GOLGA3: variants seen among roughly 807,000 people sequenced by gnomAD.
GOLGA3 encodes the protein golgin subfamily A member 3.
Under a neutral mutation model 169.4 loss-of-function variants are expected in GOLGA3, and 75 were observed. That is an observed-to-expected ratio of 0.44 (90% confidence interval 0.37 to 0.54). GOLGA3 has a LOEUF of 0.54. GOLGA3 is among the 20% of genes least tolerant of loss of function. GOLGA3 has a pLI of 0.00. For missense variants in GOLGA3, 1,899 were observed against 1,930.0 expected (o/e 0.98, Z 0.30); for synonymous variants, 824 against 822.4 (o/e 1.00, Z -0.03).
rs1337580805 is a variant in GOLGA3, at chr12:132,777,788, C to T, written c.3600G>A (p.Val1200=). 2 of 1,613,612 alleles carry T rather than the reference C, an allele frequency of 1.2e-6. No individual in the cohort carries two copies. The highest frequency in any genetic ancestry group is 1.7e-6 in the Non-Finnish European group (2 of 1,179,886). ...AGTGGCGGCGGTTATGCCCGGCTTC[C>T]ACCTTGGCAGCAGCCACCTAGGAGG... ...SLKEQVAAAK[V]EAGHNRRHFK... is the part of the protein sequence containing the mutation. Residue 1200 remains valine, a synonymous_variant, in exon 19 of 24, where the codon GTG becomes GTA. Transcript: ENST00000450791. This position sits in a 1 kb window ranked among gnomAD's most constrained non-coding sequence, Gnocchi z 4.7.
At chr12:132,810,046 A>C (rs955773202) in intron 4 of GOLGA3, among the ~76,000 whole-genome samples, 2 of 152,304 alleles carry the variant, frequency 1.3e-5, no homozygotes, top group African/African-American at 4.8e-5. Flanking sequence ...GGAGTTCAAG[A>C]CCAGGCTGGC....
intron 10 of GOLGA3, 44 bp from the exon 11 acceptor site, chr12:132,796,264 C>T (rs749670721): frequency 1.3e-6 from 2 of 1,542,604 alleles, no homozygotes; most frequent in Non-Finnish European, 1.7e-6. Flanking sequence ...TGACCCTCCT[C>T]CGAGAGCGTA....
Position 132,776,943 on chromosome 12 carries a change from C to T in GOLGA3, c.3855+15G>A. 6.4e-7 allele frequency: 1 copy of T among 1,569,590 alleles called. No individual in the cohort carries two copies. The highest frequency in any genetic ancestry group is 8.6e-7 in the Non-Finnish European group (1 of 1,157,618). Reference sequence around the variant, plus strand: ...TGAGTCCAGCCCTGCAAGTCCAGCCCCCGTGAACCGTCACCTCTTGGTTTC... The same window carrying T: ...TGAGTCCAGCCCTGCAAGTCCAGCCTCCGTGAACCGTCACCTCTTGGTTTC... On this transcript the variant is annotated intron_variant, in intron 20 of 23. Coordinates refer to ENST00000450791, the MANE Select transcript of GOLGA3 (RefSeq NM_001389683.1).
In GOLGA3 at chr12:132,777,449, G is replaced by C. The variant is rs2045309177; in HGVS notation, c.3722+217C>G. Among the ~76,000 whole-genome samples the C allele has an allele frequency of 6.6e-6, 1 of 152,206 alleles. No homozygotes were observed. Among genetic ancestry groups the C allele is most frequent in the Non-Finnish European group, 1.5e-5 (1 of 68,030 alleles). On this transcript the variant is annotated intron_variant, in intron 19 of 23. Coordinates refer to ENST00000450791, the MANE Select transcript of GOLGA3 (RefSeq NM_001389683.1). The surrounding 1 kb of genome is among the most constrained non-coding windows in gnomAD (Gnocchi z 4.7). ...CTCTGACCTGAAGCTAAGTACTCCTGCTGGGGCGCTTTCTCTCTTGGGGGG... is the reference window on the plus strand; with the variant it reads ...CTCTGACCTGAAGCTAAGTACTCCTCCTGGGGCGCTTTCTCTCTTGGGGGG...
chr12:132,782,476 G>T lies in GOLGA3; in HGVS notation c.3285C>A (p.Gly1095=), dbSNP rs2045657781. The T allele has an allele frequency of 6.2e-7, 1 of 1,613,524 alleles. No individual in the cohort carries two copies. The highest frequency in any genetic ancestry group is 1.3e-5 in the African/African-American group (1 of 74,912). ...CAAGGCGTTTTATCTTCTTCCTAAA[G>T]CCTCTGGATTCTTGAAGCTGAAACA... ...ELEDELQESR[G]FRKKIKRLEE... Residue 1095 remains glycine, a synonymous_variant, in exon 17 of 24, where the codon GGC becomes GGA. Coordinates refer to ENST00000450791, the MANE Select transcript of GOLGA3 (RefSeq NM_001389683.1).
At chr12:132,823,577 G>C (rs897772054) in intron 1 of GOLGA3, among the ~76,000 whole-genome samples, 1 of 152,200 alleles carries the variant, frequency 6.6e-6, no homozygotes, top group Non-Finnish European at 1.5e-5. Flanking sequence ...CCTGCGGTCA[G>C]GAGTTTGAGA....
At position 132,773,238 on chromosome 12, in the gene GOLGA3, T is replaced by A; in HGVS notation, c.4364A>T (p.Glu1455Val). The change falls in exon 24 of 24, where the codon GAG (glutamate) becomes GTG (valine). Residue 1455 changes from glutamate (E) to valine (V), a missense_variant. By Grantham distance (121) the Glu-to-Val change is moderately radical (BLOSUM62 -2). Coordinates refer to ENST00000450791, the MANE Select transcript of GOLGA3 (RefSeq NM_001389683.1). ...CAGCGGCGTCCACGAGGACAGAGAC[T>A]CGTGCACCGTCAGGGCGTGCTCCTC... ...QMEEHALTVH[E>V]SLSSWTPLEP... 1 of 1,549,622 alleles carries A rather than the reference T, an allele frequency of 6.5e-7. No individual in the cohort carries two copies. Among genetic ancestry groups the A allele is most frequent in the South Asian group, 1.2e-5 (1 of 85,012 alleles).
rs559500255 is a variant in GOLGA3 at position 132,804,158 on chromosome 12, C to A, written c.1597+558G>T. On this transcript the variant is annotated intron_variant, in intron 7 of 23. Transcript: ENST00000450791. This position sits in a 1 kb window ranked among gnomAD's most constrained non-coding sequence, Gnocchi z 4.1. ...GAGCCCTATAGGGAGGCAGCTGGAC[C>A]GACGCACTGCATCCAGGGAGAAAAG... Among the ~76,000 whole-genome samples the A allele has an allele frequency of 3.0e-4, 45 of 152,174 alleles. No homozygotes were observed. The highest frequency in any genetic ancestry group is 2.9e-3 in the Admixed American group (44 of 15,272).
Position 132,777,867 on chromosome 12 carries a change from C to A in GOLGA3, c.3583-62G>T. 1 of 1,578,428 alleles carries A rather than the reference C, an allele frequency of 6.3e-7. No homozygotes were observed. Among genetic ancestry groups the A allele is most frequent in the Admixed American group, 1.7e-5 (1 of 57,188 alleles). On this transcript the variant is annotated intron_variant, in intron 18 of 23. Coordinates refer to ENST00000450791, the MANE Select transcript of GOLGA3 (RefSeq NM_001389683.1). The surrounding 1 kb of genome is among the most constrained non-coding windows in gnomAD (Gnocchi z 4.7). ...TGACACCCACAGCTTTATGACGTGC[C>A]GGGCGCAGGGGGTGAATGCACTCCC...
chr12:132,790,943 C>T (rs573468605), intron 12 of GOLGA3, among the ~76,000 whole-genome samples: 40 of 144,520 alleles, frequency 2.8e-4, no homozygotes, highest in Admixed American at 7.7e-4. Context: ...CGCAGCTACT[C>T]GGGAGGCTGA....
chr12:132,821,099 C>CAAAAAAAAA (rs61336622), intron 2 of GOLGA3, among the ~76,000 whole-genome samples: 1 of 49,326 alleles, frequency 2.0e-5, no homozygotes, highest in African/African-American at 9.4e-5. Flanking sequence ...GACACCGTCT[C>CAAAAAAAAA]AAAAAAAAAA....
intron 23 of GOLGA3, 79 bp from the exon 24 acceptor site, chr12:132,773,373 CGCTA>C: frequency 3.3e-6 from 3 of 911,698 alleles, no homozygotes; most frequent in Non-Finnish European, 4.7e-6. Flanking sequence ...CAGCGTCACT[CGCTA>C]GCACCTGAGT....
chr12:132,773,226 G>A lies in GOLGA3; in HGVS notation c.4376C>T (p.Ser1459Leu), dbSNP rs529674657. 117 of 1,567,924 alleles carry A rather than the reference G, an allele frequency of 7.5e-5. No homozygotes were observed. The highest frequency in any genetic ancestry group is 2.0e-4 in the South Asian group (17 of 86,760). The change falls in exon 24 of 24, where the codon TCG (serine) becomes TTG (leucine). Residue 1459 changes from serine (S) to leucine (L), a missense_variant. Ser to Leu is a moderately radical substitution (Grantham distance 145). Transcript: ENST00000450791. ...HALTVHESLS[S>L]WTPLEPATAS... ...AGTGGCTGGCTCCAGCGGCGTCCAC[G>A]AGGACAGAGACTCGTGCACCGTCAG...
rs2136843885 is a variant in GOLGA3 at position 132,826,704 on chromosome 12, CAG to C, written c.-184+2097_-184+2098del. 1.3e-5 allele frequency among the ~76,000 whole-genome samples: 2 copies of C among 152,238 alleles called. 1 individual carries two copies. Among genetic ancestry groups the C allele is most frequent in the East Asian group, 3.9e-4 (2 of 5,188 alleles). ...TCACTAACTGCCTGGAGTTTGGTGA[CAG>C]TGATACTTCTCCCTGTAGGGCAATA... On this transcript the variant is annotated intron_variant, in intron 1 of 23. Transcript: ENST00000450791.
rs368011679 is a variant in GOLGA3 at position 132,804,304 on chromosome 12, C to A, written c.1597+412G>T. ...CACTGGACTTTTGAGGCAGGATCACCGCAGATACTCCAGGGTCCAAGGTCA... is the reference window on the plus strand; with the variant it reads ...CACTGGACTTTTGAGGCAGGATCACAGCAGATACTCCAGGGTCCAAGGTCA... On this transcript the variant is annotated intron_variant, in intron 7 of 23. Coordinates refer to ENST00000450791, the MANE Select transcript of GOLGA3 (RefSeq NM_001389683.1). This position sits in a 1 kb window ranked among gnomAD's most constrained non-coding sequence, Gnocchi z 4.1. Among the ~76,000 whole-genome samples the A allele has an allele frequency of 6.6e-6, 1 of 152,210 alleles. No homozygotes were observed. Among genetic ancestry groups the A allele is most frequent in the Non-Finnish European group, 1.5e-5 (1 of 68,040 alleles).
intron 17 of GOLGA3, among the ~76,000 whole-genome samples, 167 bp from the exon 18 acceptor site, chr12:132,781,081 G>C (rs549258989): frequency 2.0e-5 from 3 of 152,216 alleles, no homozygotes; most frequent in Admixed American, 2.0e-4. Flanking sequence ...CCTAGGTTGC[G>C]GGAGCATGAT....
rs371688019 is a variant in GOLGA3, at chr12:132,804,161, C to A, written c.1597+555G>T. On this transcript the variant is annotated intron_variant, in intron 7 of 23. Coordinates refer to ENST00000450791, the MANE Select transcript of GOLGA3 (RefSeq NM_001389683.1). This position sits in a 1 kb window ranked among gnomAD's most constrained non-coding sequence, Gnocchi z 4.1. ...CCCTATAGGGAGGCAGCTGGACCGACGCACTGCATCCAGGGAGAAAAGGTT... is the reference window on the plus strand; with the variant it reads ...CCCTATAGGGAGGCAGCTGGACCGAAGCACTGCATCCAGGGAGAAAAGGTT... Among the ~76,000 whole-genome samples, 42 of 152,346 alleles carry A rather than the reference C, an allele frequency of 2.8e-4. No individual in the cohort carries two copies. The highest frequency in any genetic ancestry group is 2.7e-3 in the South Asian group (13 of 4,830).
At chr12:132,793,960 C>T (rs541255892) in intron 11 of GOLGA3, among the ~76,000 whole-genome samples, 7 of 152,350 alleles carry the variant, frequency 4.6e-5, no homozygotes, top group African/African-American at 1.4e-4. Flanking sequence ...TCCTAGTTAT[C>T]ACTAGAGCAT....
At position 132,786,452 on chromosome 12, in the gene GOLGA3, C is replaced by T. The variant is rs748831576; in HGVS notation, c.3010G>A (p.Gly1004Ser). The T allele has an allele frequency of 7.4e-6, 12 of 1,613,554 alleles. No individual in the cohort carries two copies. The South Asian group carries it at 1.2e-4, about 16-fold the overall frequency. The change falls in exon 15 of 24, where the codon GGC becomes AGC. Residue 1004 changes from glycine (G) to serine (S), a missense_variant. Coordinates refer to ENST00000450791, the MANE Select transcript of GOLGA3 (RefSeq NM_001389683.1). ...TCCTGCAGGCGGCGGCTGAGGATGCCCACGGCGTTCTCGTAGGCCTTATGT... is the reference window on the plus strand; with the variant it reads ...TCCTGCAGGCGGCGGCTGAGGATGCTCACGGCGTTCTCGTAGGCCTTATGT... Reference protein sequence around the residue: ...TKHKAYENAVGILSRRLQEAL... With the variant: ...TKHKAYENAVSILSRRLQEAL...
Sources: allele counts gnomAD v4.1 joint callset (sites outside exome capture counted in the v4.1 genomes callset), GRCh38; gene constraint gnomAD v4.1.1; non-coding constraint Gnocchi (gnomAD v3.1); transcripts MANE v1.5; gene names NCBI Gene and HGNC (gene_info 2026-07-23, HGNC 2026-07-21).